LIMK2: variants seen among roughly 807,000 people sequenced by gnomAD.
LIMK2 encodes LIM domain kinase 2.
A neutral mutation model predicts 75.7 loss-of-function variants in LIMK2; 35 were observed. The ratio of observed to expected loss-of-function variants is 0.46; its 90% CI spans 0.35 to 0.61. The LOEUF (loss-of-function observed/expected upper bound fraction) is 0.61, where lower values mean the gene tolerates loss of function less well. LIMK2 is among the 20% of genes least tolerant of loss of function. The probability of loss-of-function intolerance (pLI) is 0.00; values close to 1 mark genes in which losing one functional copy is unlikely to be tolerated. For missense variants in LIMK2, 623 were observed against 831.0 expected (o/e 0.75, Z 3.08); for synonymous variants, 301 against 319.2 (o/e 0.94, Z 0.61).
chr22:31,225,964 T>C, intron 2 of LIMK2, 145 bp downstream of exon 2: 1 of 677,568 alleles, frequency 1.5e-6, no homozygotes. Flanking sequence ...GAAGAGCTCA[T>C]GACCAAACCT....
intron 2 of LIMK2, chr22:31,248,624 G>GC (rs1568991717): frequency 6.2e-7 from 1 of 1,612,510 alleles, no homozygotes; most frequent in Non-Finnish European, 8.5e-7. Context: ...GGTGCCGGGA[G>GC]CCCCGGGCCT....
rs574806431 is a variant in LIMK2 at position 31,261,545 on chromosome 22, C to CAAA, written c.552-579_552-577dup. 3.0e-3 allele frequency among the ~76,000 whole-genome samples: 376 copies of CAAA among 126,402 alleles called. 22 individuals are homozygous for CAAA. In the South Asian group the frequency reaches 0.084, roughly 28 times the overall value. The allele number at this position is 126,402 out of a possible 152,430, so 82.9% of individuals were successfully genotyped here. On this transcript the variant is annotated intron_variant, in intron 5 of 15. Coordinates refer to ENST00000331728, the MANE Select transcript of LIMK2 (RefSeq NM_005569.4). ...TGAGCGACAGAGCGAGACTCCATCT[C>CAAA]AAAAAAAAAAAAGAGTTTGGGATTA...
chr22:31,219,435 T>C (rs2078103920), intron 1 of LIMK2, among the ~76,000 whole-genome samples: 1 of 152,322 alleles, frequency 6.6e-6, no homozygotes, highest in South Asian at 2.1e-4. Flanking sequence ...TTGCACTTAT[T>C]AAAAGCAACA....
At chr22:31,256,614 A>G (rs923738616) in intron 2 of LIMK2, among the ~76,000 whole-genome samples, 3 of 152,340 alleles carry the variant, frequency 2.0e-5, no homozygotes, top group Middle Eastern at 3.4e-3. Context: ...TGCTGGGATT[A>G]TAAGCATAAG....
intron 2 of LIMK2, chr22:31,248,398 C>G: frequency 7.3e-7 from 1 of 1,371,080 alleles, no homozygotes; most frequent in Non-Finnish European, 9.6e-7. Flanking sequence ...GTCACCGGCC[C>G]CTGCTCAAGA....
At chr22:31,266,950 G>A (rs750506636) in intron 8 of LIMK2, 34 bp from the exon 9 acceptor site, 29 of 1,468,640 alleles carry the variant, frequency 2.0e-5, no homozygotes, top group Middle Eastern at 1.7e-4. Flanking sequence ...ACTTCCTCTG[G>A]TCTCAGCACC....
chr22:31,234,879 G>T (rs1169745324), intron 2 of LIMK2, among the ~76,000 whole-genome samples: 1 of 151,858 alleles, frequency 6.6e-6, no homozygotes, highest in African/African-American at 2.4e-5. Flanking sequence ...TGTTCATTCT[G>T]CTCCCTCTGC....
At chr22:31,254,548 G>A (rs1041980090) in intron 2 of LIMK2, among the ~76,000 whole-genome samples, 1 of 152,208 alleles carries the variant, frequency 6.6e-6, no homozygotes, top group South Asian at 2.1e-4. Context: ...GTCTAGTGAA[G>A]AAGAAAGATG....
chr22:31,219,827 C>T (rs2048419301), intron 1 of LIMK2, among the ~76,000 whole-genome samples: 1 of 152,230 alleles, frequency 6.6e-6, no homozygotes, highest in South Asian at 2.1e-4. Context: ...CCGCCTCGGC[C>T]TCCCAAAGTG....
intron 1 of LIMK2, among the ~76,000 whole-genome samples, chr22:31,221,343 T>G (rs2048431672): frequency 6.8e-6 from 1 of 147,348 alleles, no homozygotes; most frequent in Non-Finnish European, 1.5e-5. Context: ...TTCCCCCCTT[T>G]TTTGCCCCGT....
intron 12 of LIMK2, among the ~76,000 whole-genome samples, chr22:31,271,993 G>A (rs2048962383): frequency 6.6e-6 from 1 of 152,204 alleles, no homozygotes; most frequent in Admixed American, 6.5e-5. Context: ...ACTGTGGGCT[G>A]GGAGTCTGCT....
intron 2 of LIMK2, among the ~76,000 whole-genome samples, chr22:31,241,458 C>T (rs942269836): frequency 6.6e-6 from 1 of 152,178 alleles, no homozygotes; most frequent in Non-Finnish European, 1.5e-5. Flanking sequence ...TCCCCCAAAC[C>T]TTTGCTCTCT....
Position 31,278,497 on chromosome 22 carries a change from C to A in LIMK2, c.*56C>A. Reference sequence around the variant, plus strand: ...CTACAGCCAGCATTGCCCCTCTGTGCCCCATTCCTGCTGTGAGCAGGGCCG... The same window carrying A: ...CTACAGCCAGCATTGCCCCTCTGTGACCCATTCCTGCTGTGAGCAGGGCCG... On this transcript the variant is annotated 3_prime_UTR_variant, in exon 16 of 16. Coordinates refer to ENST00000331728, the MANE Select transcript of LIMK2 (RefSeq NM_005569.4). 6.6e-7 allele frequency: 1 copy of A among 1,525,522 alleles called. No homozygotes were observed. Among genetic ancestry groups the A allele is most frequent in the Non-Finnish European group, 8.8e-7 (1 of 1,138,400 alleles). The allele number at this position is 1,525,522 out of a possible 1,614,324, so 94.5% of individuals were successfully genotyped here.
At chr22:31,231,346 C>G (rs564763858) in intron 2 of LIMK2, among the ~76,000 whole-genome samples, 19 of 152,216 alleles carry the variant, frequency 1.2e-4, no homozygotes, top group Admixed American at 1.2e-3. Context: ...GCAACCCTGC[C>G]ATCTGCTGTT....
chr22:31,262,607 A>T lies in LIMK2; in HGVS notation c.670A>T (p.Ile224Phe). The T allele has an allele frequency of 1.2e-6, 2 of 1,612,448 alleles. No homozygotes were observed. Among genetic ancestry groups the T allele is most frequent in the Non-Finnish European group, 1.7e-6 (2 of 1,179,008 alleles). ...TLRVEEVEDA[I>F]SQTSQTLQLL... ...CTCTTGGCCACAGGTGGAGGATGCA[A>T]TTAGCCAGACGAGCCAGACACTTCA... Residue 224 changes from isoleucine (I) to phenylalanine (F), a missense_variant, in exon 7 of 16, where the codon ATT (isoleucine) becomes TTT (phenylalanine). Ile to Phe is a conservative substitution (Grantham distance 21, BLOSUM62 0). Transcript: ENST00000331728. The surrounding 1 kb of genome is among the most constrained non-coding windows in gnomAD (Gnocchi z 5.0).
intron 2 of LIMK2, among the ~76,000 whole-genome samples, chr22:31,256,410 G>A (rs1228713993): frequency 2.0e-5 from 3 of 150,628 alleles, no homozygotes; most frequent in Admixed American, 6.6e-5. Context: ...GCGTGATCTC[G>A]ACTCACTGCA....
chr22:31,234,175 C>A (rs2048551663), intron 2 of LIMK2, among the ~76,000 whole-genome samples: 1 of 151,840 alleles, frequency 6.6e-6, no homozygotes, highest in Non-Finnish European at 1.5e-5. Context: ...CCATACCCAG[C>A]TAATTTTTAT....
chr22:31,226,429 C>T (rs994477421), intron 2 of LIMK2, among the ~76,000 whole-genome samples: 12 of 48,580 alleles, frequency 2.5e-4, no homozygotes, highest in African/African-American at 1.5e-3. Context: ...TCTTGAACTC[C>T]TGACCTCAAA....
At chr22:31,215,044 G>A (rs981994844) in intron 1 of LIMK2, among the ~76,000 whole-genome samples, 15 of 152,100 alleles carry the variant, frequency 9.9e-5, no homozygotes, top group Admixed American at 8.5e-4. Flanking sequence ...CAGTCCACCC[G>A]CCTTGGACTC....
Sources: gnomAD v4.1 joint callset for allele counts (sites outside exome capture counted in the v4.1 genomes callset) on GRCh38, gnomAD v4.1.1 for gene constraint, Gnocchi (gnomAD v3.1) non-coding constraint, MANE v1.5 for transcripts, NCBI Gene and HGNC (gene_info 2026-07-23, HGNC 2026-07-21) for gene names.